The following LRRTM4 variants were observed in gnomAD, a reference collection of about 807,000 sequenced individuals.
LRRTM4 encodes leucine rich repeat transmembrane neuronal 4, also known as leucine-rich repeat transmembrane neuronal protein 4.
A neutral mutation model predicts 47.6 loss-of-function variants in LRRTM4; 25 were observed. The observed-to-expected ratio is 0.53, with a 90% confidence interval of 0.38 to 0.73. The LOEUF is 0.73. LRRTM4 is among the 30% of genes least tolerant of loss of function. The pLI is 0.00. For synonymous variants in LRRTM4, 311 were observed against 269.5 expected (o/e 1.15, Z -1.51); for missense variants, 638 against 713.4 (o/e 0.89, Z 1.20).
rs140861043 is a variant in LRRTM4, at chr2:76,937,997, A to C, written c.1552-189081T>G. Among the ~76,000 whole-genome samples the C allele has an allele frequency of 6.0e-3, 913 of 152,216 alleles. 2 individuals carry two copies. Among genetic ancestry groups the C allele is most frequent in the Middle Eastern group, 0.014 (4 of 294 alleles). On this transcript the variant is annotated intron_variant, in intron 3 of 3. Coordinates refer to ENST00000409884, the MANE Select transcript of LRRTM4 (RefSeq NM_001134745.3). Reference sequence around the variant, plus strand: ...TTTGTTTAAAGTTTTGGGAGTTTTCATTAATTGATTTTCCTTTTAAATACC... The same window carrying C: ...TTTGTTTAAAGTTTTGGGAGTTTTCCTTAATTGATTTTCCTTTTAAATACC...
chr2:77,452,949 T>A (rs984703830), intron 3 of LRRTM4, among the ~76,000 whole-genome samples: 1 of 152,096 alleles, frequency 6.6e-6, no homozygotes, highest in African/African-American at 2.4e-5. Flanking sequence ...CCAAATTTGT[T>A]GATAATTTCT....
intron 3 of LRRTM4, among the ~76,000 whole-genome samples, chr2:77,192,639 A>G (rs1673702790): frequency 6.6e-6 from 1 of 152,164 alleles, no homozygotes; most frequent in Non-Finnish European, 1.5e-5. Context: ...CAATTTCCAA[A>G]TTAATTTAAT....
At chr2:77,457,480 C>A (rs945004924) in intron 3 of LRRTM4, among the ~76,000 whole-genome samples, 6 of 152,088 alleles carry the variant, frequency 3.9e-5, no homozygotes, top group African/African-American at 1.4e-4. Flanking sequence ...TCCACACCAA[C>A]ATTCCTGCCT....
At chr2:77,217,189 T>C (rs986589342) in intron 3 of LRRTM4, among the ~76,000 whole-genome samples, 1 of 151,392 alleles carries the variant, frequency 6.6e-6, no homozygotes, top group Admixed American at 6.6e-5. Context: ...TCAGGTAACT[T>C]TGATGTACAA....
intron 3 of LRRTM4, among the ~76,000 whole-genome samples, chr2:77,310,537 T>C (rs1677423085): frequency 6.6e-6 from 1 of 152,090 alleles, no homozygotes; most frequent in South Asian, 2.1e-4. Flanking sequence ...TATTTCAAGG[T>C]TCTGTGGGTT....
chr2:76,882,135 G>A (rs1294385902), intron 3 of LRRTM4, among the ~76,000 whole-genome samples: 1 of 151,924 alleles, frequency 6.6e-6, no homozygotes, highest in Non-Finnish European at 1.5e-5. Flanking sequence ...AGAATTTCAG[G>A]CTAAGTTTTG....
At chr2:77,472,223 C>T (rs571759350) in intron 3 of LRRTM4, among the ~76,000 whole-genome samples, 1 of 152,228 alleles carries the variant, frequency 6.6e-6, no homozygotes, top group South Asian at 2.1e-4. Flanking sequence ...TGCAATGTAC[C>T]TGACGGAGAA....
At chr2:77,322,618 C>T (rs1677828413) in intron 3 of LRRTM4, among the ~76,000 whole-genome samples, 1 of 151,810 alleles carries the variant, frequency 6.6e-6, no homozygotes. Flanking sequence ...AAAACTGCTT[C>T]TGCCAGGAAC....
intron 3 of LRRTM4, among the ~76,000 whole-genome samples, chr2:77,438,688 G>A (rs979188307): frequency 2.0e-5 from 3 of 152,090 alleles, no homozygotes; most frequent in Non-Finnish European, 2.9e-5. Flanking sequence ...TTACAGGCGT[G>A]AGCCAACGTG....
chr2:76,787,575 A>ATT (rs936980973), intron 3 of LRRTM4, among the ~76,000 whole-genome samples: 6 of 147,182 alleles, frequency 4.1e-5, no homozygotes, highest in African/African-American at 1.5e-4. Context: ...AGTTAGGAAA[A>ATT]TTTTTTTTTT....
intron 3 of LRRTM4, among the ~76,000 whole-genome samples, chr2:77,462,746 C>T (rs1418656570): frequency 6.6e-6 from 1 of 152,106 alleles, no homozygotes; most frequent in Non-Finnish European, 1.5e-5. Flanking sequence ...GTCTTGCATC[C>T]ACCCTAATTA....
At chr2:76,968,002 TCTC>T (rs764515711) in intron 3 of LRRTM4, among the ~76,000 whole-genome samples, 20 of 151,048 alleles carry the variant, frequency 1.3e-4, no homozygotes, top group South Asian at 2.1e-4. Flanking sequence ...TTATTGTTCA[TCTC>T]CTCATTTTAT....
chr2:77,417,557 CA>C (rs1246476614), intron 3 of LRRTM4, among the ~76,000 whole-genome samples: 2 of 152,118 alleles, frequency 1.3e-5, no homozygotes, highest in Admixed American at 1.3e-4. Context: ...GAACACTATG[CA>C]GCCATAAAAT....
At chr2:76,936,782 C>T (rs1573337738) in intron 3 of LRRTM4, among the ~76,000 whole-genome samples, 1 of 150,110 alleles carries the variant, frequency 6.7e-6, no homozygotes, top group South Asian at 2.1e-4. Flanking sequence ...GGTGAATCCC[C>T]ATTTCTACTA....
chr2:77,342,927 A>G (rs1172811729), intron 3 of LRRTM4, among the ~76,000 whole-genome samples: 1 of 151,900 alleles, frequency 6.6e-6, no homozygotes, highest in African/African-American at 2.4e-5. Context: ...GGCCATAAGC[A>G]CCTCTCTCAA....
rs781044006 is a variant in LRRTM4 at position 77,238,019 on chromosome 2, CA to C, written c.1551+280298del. 5.5e-3 allele frequency among the ~76,000 whole-genome samples: 829 copies of C among 151,976 alleles called. 11 individuals carry two copies. Among genetic ancestry groups the C allele is most frequent in the African/African-American group, 0.019 (782 of 41,466 alleles). ...GGGGAGGAAATGAAGACAGGTAGGT[CA>C]AAAGACACAAAATAGCAGGTATGTA... On this transcript the variant is annotated intron_variant, in intron 3 of 3. Coordinates refer to ENST00000409884, the MANE Select transcript of LRRTM4 (RefSeq NM_001134745.3).
rs774697360 is a variant in LRRTM4, at chr2:77,306,897, A to ATTTTTTTTTTTTTTTTTTTTTTTTTT, written c.1551+211420_1551+211421insAAAAAAAAAAAAAAAAAAAAAAAAAA. Among the ~76,000 whole-genome samples, 6 of 112,416 alleles carry ATTTTTTTTTTTTTTTTTTTTTTTTTT rather than the reference A, an allele frequency of 5.3e-5. 1 individual carries two copies. Among genetic ancestry groups the ATTTTTTTTTTTTTTTTTTTTTTTTTT allele is most frequent in the African/African-American group, 2.2e-4 (5 of 23,138 alleles). 73.7% of individuals were successfully genotyped at this position (112,416 alleles called of 152,430 possible). ...AAATAGCTATATACTGCTTTTCCATATTTTTTTTTTTTTTTTTTTTGAGAT... is the reference window on the plus strand; with the variant it reads ...AAATAGCTATATACTGCTTTTCCATATTTTTTTTTTTTTTTTTTTTTTTTTTTTTTTTTTTTTTTTTTTTTTGAGAT... On this transcript the variant is annotated intron_variant, in intron 3 of 3. Transcript: ENST00000409884.
chr2:77,431,854 T>C (rs1675388946), intron 3 of LRRTM4, among the ~76,000 whole-genome samples: 1 of 143,526 alleles, frequency 7.0e-6, no homozygotes, highest in South Asian at 2.1e-4. Flanking sequence ...GGAGGGCGGA[T>C]CATGAGGTCA....
At chr2:77,319,079 C>T (rs1453124101) in intron 3 of LRRTM4, among the ~76,000 whole-genome samples, 1 of 151,964 alleles carries the variant, frequency 6.6e-6, no homozygotes, top group Admixed American at 6.6e-5. Flanking sequence ...GCTTGGTACA[C>T]ATCTATATTG....
Sources: allele counts gnomAD v4.1 joint callset (sites outside exome capture counted in the v4.1 genomes callset), GRCh38; gene constraint gnomAD v4.1.1; transcripts MANE v1.5; gene names NCBI Gene and HGNC (gene_info 2026-07-23, HGNC 2026-07-21).